ERO1A: variants seen among roughly 807,000 people sequenced by gnomAD.
ERO1A encodes the protein ERO1-like protein alpha.
A neutral mutation model predicts 76.9 loss-of-function variants in ERO1A; 49 were observed. The ratio of observed to expected loss-of-function variants is 0.64; its 90% CI spans 0.51 to 0.81. ERO1A has a LOEUF of 0.81. ERO1A is among the 30% of genes least tolerant of loss of function. The pLI is 0.00. For missense variants in ERO1A, 448 were observed against 542.1 expected, an observed-to-expected ratio of 0.83 and a Z score of 1.72; for synonymous variants, 174 against 181.2, an observed-to-expected ratio of 0.96 and a Z score of 0.32.
In ERO1A at chr14:52,643,542, G is replaced by C. The variant is rs1156740628; in HGVS notation, c.*28C>G. The C allele has an allele frequency of 7.0e-7, 1 of 1,436,992 alleles. No homozygotes were observed. Among genetic ancestry groups the C allele is most frequent in the Non-Finnish European group, 9.2e-7 (1 of 1,083,094 alleles). The allele number at this position is 1,436,992 out of a possible 1,614,324, so 89.0% of individuals were successfully genotyped here. A position where few individuals can be genotyped will look rare whatever the true frequency, so the allele number is the denominator to read the frequency against. On this transcript the variant is annotated 3_prime_UTR_variant, in exon 16 of 16. Coordinates refer to ENST00000395686, the MANE Select transcript of ERO1A (RefSeq NM_014584.3). ...TCCACTCTTTCGCCTCCATTGTCCA[G>C]AAACAGGCACATATCAGCTTGTTTT...
chr14:52,655,979 T>G (rs559255785), intron 11 of ERO1A, among the ~76,000 whole-genome samples: 2 of 152,218 alleles, frequency 1.3e-5, no homozygotes, highest in African/African-American at 4.8e-5. Flanking sequence ...TTACGCCACA[T>G]AGTTAACATT....
intron 1 of ERO1A, among the ~76,000 whole-genome samples, chr14:52,688,243 G>C (rs1277189283): frequency 1.3e-5 from 2 of 151,930 alleles, no homozygotes; most frequent in Non-Finnish European, 2.9e-5. Flanking sequence ...GAAAGCCTTG[G>C]AAGGCTTTCT....
intron 1 of ERO1A, among the ~76,000 whole-genome samples, chr14:52,688,941 A>G (rs1198172025): frequency 6.6e-6 from 1 of 152,218 alleles, no homozygotes; most frequent in Non-Finnish European, 1.5e-5. Context: ...ACAAAGCACT[A>G]TAAGAATATA....
At chr14:52,674,346 C>T (rs2040710459) in intron 4 of ERO1A, among the ~76,000 whole-genome samples, 1 of 152,110 alleles carries the variant, frequency 6.6e-6, no homozygotes, top group African/African-American at 2.4e-5. Flanking sequence ...GCATGCACCA[C>T]CACACTTGGC....
intron 1 of ERO1A, among the ~76,000 whole-genome samples, chr14:52,693,930 G>A (rs562021492): frequency 1.2e-4 from 19 of 152,106 alleles, no homozygotes; most frequent in Non-Finnish European, 2.2e-4. Context: ...TGTGAAAGAG[G>A]AAAAGTTTAA....
chr14:52,694,405 G>A (rs1251693426), intron 1 of ERO1A, among the ~76,000 whole-genome samples: 1 of 152,122 alleles, frequency 6.6e-6, no homozygotes, highest in Non-Finnish European at 1.5e-5. Flanking sequence ...TAGTGAAAGA[G>A]AAACCTTTCA....
intron 7 of ERO1A, among the ~76,000 whole-genome samples, chr14:52,665,415 T>G (rs1364886310): frequency 2.0e-5 from 3 of 149,946 alleles, no homozygotes; most frequent in Non-Finnish European, 4.4e-5. Context: ...TAATAAAAAC[T>G]CTCTACTTTC....
At chr14:52,684,150 C>CACAGAG (rs879218530) in intron 1 of ERO1A, among the ~76,000 whole-genome samples, 1 of 139,388 alleles carries the variant, frequency 7.2e-6, no homozygotes, top group South Asian at 2.3e-4. Flanking sequence ...CACACACACA[C>CACAGAG]AGAGAGAGTT....
chr14:52,651,916 C>T (rs866306907), intron 13 of ERO1A, among the ~76,000 whole-genome samples: 78 of 151,978 alleles, frequency 5.1e-4, no homozygotes, highest in African/African-American at 1.9e-3. Flanking sequence ...ACTTTGTACC[C>T]ATGGATCAAC....
chr14:52,674,302 C>G (rs2040708617), intron 4 of ERO1A, among the ~76,000 whole-genome samples: 1 of 152,188 alleles, frequency 6.6e-6, no homozygotes, highest in Non-Finnish European at 1.5e-5. Flanking sequence ...TCAGCCTCCT[C>G]CTGTCTCAAC....
Position 52,643,486 on chromosome 14 carries a change from C to T in ERO1A, c.*84G>A, listed in dbSNP as rs1408188289. 2 of 857,636 alleles carry T rather than the reference C, an allele frequency of 2.3e-6. No individual in the cohort carries two copies. The highest frequency in any genetic ancestry group is 3.6e-5 in the African/African-American group (2 of 55,062). The allele number at this position is 857,636 out of a possible 1,614,324, so 53.1% of individuals were successfully genotyped here. ...TTTATATAAAATGTTTGGCTTAAGA[C>T]TGTCATTGCTATTATGCCTTTGAAT... On this transcript the variant is annotated 3_prime_UTR_variant, in exon 16 of 16. Transcript: ENST00000395686.
At chr14:52,689,132 T>C (rs572517818) in intron 1 of ERO1A, among the ~76,000 whole-genome samples, 1 of 152,234 alleles carries the variant, frequency 6.6e-6, no homozygotes, top group African/African-American at 2.4e-5. Context: ...ATTTTGTATT[T>C]TAGCAGACAC....
Position 52,643,192 on chromosome 14 carries a change from G to T in ERO1A, c.*378C>A, listed in dbSNP as rs1348054816. The T allele has an allele frequency of 1.3e-5, 2 of 154,310 alleles. No homozygotes were observed. The highest frequency in any genetic ancestry group is 2.9e-5 in the Non-Finnish European group (2 of 69,642). The allele number at this position is 154,310 out of a possible 1,614,324, so 9.6% of individuals were successfully genotyped here. A position where few individuals can be genotyped will look rare whatever the true frequency, so the allele number is the denominator to read the frequency against. On this transcript the variant is annotated 3_prime_UTR_variant, in exon 16 of 16. Coordinates refer to ENST00000395686, the MANE Select transcript of ERO1A (RefSeq NM_014584.3). Reference sequence around the variant, plus strand: ...ATGGGTCATTTATGAGGCCTCCTTAGCATTTTCCTATTAAATGCTTGTCAC... The same window carrying T: ...ATGGGTCATTTATGAGGCCTCCTTATCATTTTCCTATTAAATGCTTGTCAC...
At chr14:52,693,954 G>GA (rs2041449095) in intron 1 of ERO1A, among the ~76,000 whole-genome samples, 1 of 151,876 alleles carries the variant, frequency 6.6e-6, no homozygotes, top group African/African-American at 2.4e-5. Flanking sequence ...CTAGTTAGAA[G>GA]AAAAAGAAAA....
At chr14:52,673,044 T>G (rs1254757722) in intron 4 of ERO1A, among the ~76,000 whole-genome samples, 1 of 152,120 alleles carries the variant, frequency 6.6e-6, no homozygotes, top group East Asian at 1.9e-4. Context: ...TCTCTACTTT[T>G]TGTAGGTATA....
intron 11 of ERO1A, among the ~76,000 whole-genome samples, chr14:52,656,816 T>C (rs1226795027): frequency 6.6e-6 from 1 of 151,852 alleles, no homozygotes; most frequent in Non-Finnish European, 1.5e-5. Context: ...ATCCCAGTAC[T>C]CTGGGAGGCC....
intron 4 of ERO1A, among the ~76,000 whole-genome samples, chr14:52,674,301 T>C (rs1271795198): frequency 6.6e-6 from 1 of 152,216 alleles, no homozygotes; most frequent in African/African-American, 2.4e-5. Context: ...CTCAGCCTCC[T>C]CCTGTCTCAA....
chr14:52,654,907 A>T (rs1023650170), intron 11 of ERO1A, among the ~76,000 whole-genome samples: 1 of 152,118 alleles, frequency 6.6e-6, no homozygotes, highest in Non-Finnish European at 1.5e-5. Flanking sequence ...TTTTGATGAG[A>T]AAGTTGGTAT....
At chr14:52,672,941 A>C (rs1018734168) in intron 4 of ERO1A, among the ~76,000 whole-genome samples, 10 of 152,134 alleles carry the variant, frequency 6.6e-5, no homozygotes, top group Admixed American at 3.9e-4. Context: ...ACAAATGGAG[A>C]TACTCCCAAA....
Sources: gnomAD v4.1 joint callset for allele counts (sites outside exome capture counted in the v4.1 genomes callset) on GRCh38, gnomAD v4.1.1 for gene constraint, MANE v1.5 for transcripts, NCBI Gene and HGNC (gene_info 2026-07-23, HGNC 2026-07-21) for gene names.